Variants in UFM1 observed in about 807,000 individuals in gnomAD.
The protein encoded by UFM1 is ubiquitin fold modifier 1.
A neutral mutation model predicts 15.4 loss-of-function variants in UFM1; 9 were observed. That is an observed-to-expected ratio of 0.59 (90% CI 0.35 to 1.02). The LOEUF (loss-of-function observed/expected upper bound fraction) is 1.02. UFM1 is among the 50% of genes least tolerant of loss of function. UFM1 has a pLI of 0.02. For synonymous variants in UFM1, 27 were observed against 36.3 expected, an observed-to-expected ratio of 0.74 and a Z score of 0.92; for missense variants, 98 against 104.7, an observed-to-expected ratio of 0.94 and a Z score of 0.28.
chr13:38,360,743 C>T lies in UFM1; in HGVS notation c.223C>T (p.Arg75Trp), dbSNP rs368429371. 7.9e-5 allele frequency: 127 copies of T among 1,608,146 alleles called. No homozygotes were observed. Among genetic ancestry groups the T allele is most frequent in the Non-Finnish European group, 1.0e-4 (120 of 1,177,610 alleles). ...TTTTCTAAAACATGGTTCAGAACTG[C>T]GGATTATTCCTAGAGATCGTGTTGG... ...NVFLKHGSEL[R>W]IIPRDRVGSC is the part of the protein sequence containing the mutation. Residue 75 changes from arginine to tryptophan, a missense_variant, in exon 6 of 6, where the codon CGG (arginine) becomes TGG (tryptophan). Transcript: ENST00000239878.
At position 38,354,274 on chromosome 13, in the gene UFM1, T is replaced by C. The variant is rs201843668; in HGVS notation, c.95T>C (p.Val32Ala). Residue 32 changes from valine (V) to alanine (A), a missense_variant, in exon 3 of 6, where the codon GTC (valine) becomes GCC (alanine). By Grantham distance (64) the Val-to-Ala change is moderately conservative (BLOSUM62 0). Coordinates refer to ENST00000239878, the MANE Select transcript of UFM1 (RefSeq NM_016617.4). ...SVPESTPFTA[V>A]LKFAAEEFKV... The stretch of plus-strand genomic sequence containing the variant: ...CCTGAAAGTACACCTTTCACAGCAG[T>C]CTTAAAGTTTGCAGCAGAAGAAGTA... 6.2e-7 allele frequency: 1 copy of C among 1,611,186 alleles called. No homozygotes were observed. Among genetic ancestry groups the C allele is most frequent in the Non-Finnish European group, 8.5e-7 (1 of 1,178,018 alleles).
intron 3 of UFM1, among the ~76,000 whole-genome samples, chr13:38,356,535 A>G (rs974915477): frequency 8.6e-5 from 13 of 151,934 alleles, no homozygotes; most frequent in Admixed American, 2.0e-4. Context: ...ATACTATAAC[A>G]AATAATTGTT....
At chr13:38,359,416 C>T (rs746350655) in intron 5 of UFM1, 83 bp downstream of exon 5, 1 of 1,453,776 alleles carries the variant, frequency 6.9e-7, no homozygotes, top group Non-Finnish European at 9.6e-7. Context: ...TCTAATTACA[C>T]TTGACAGTAT....
intron 5 of UFM1, 30 bp downstream of exon 5, chr13:38,359,363 G>A (rs774190338): frequency 1.2e-6 from 2 of 1,609,430 alleles, no homozygotes; most frequent in Non-Finnish European, 1.7e-6. Context: ...TAGAGGAGTG[G>A]GTGGGGTTAT....
chr13:38,361,324 T>C lies in UFM1; in HGVS notation c.*546T>C, dbSNP rs373674076. On this transcript the variant is annotated 3_prime_UTR_variant, in exon 6 of 6. Transcript: ENST00000239878. ...TTTTTTAAGATTCAGACCTCAGTTA[T>C]ATAAATTTCAGTTTAATATCAACCA... The C allele has an allele frequency of 1.7e-4, 26 of 152,134 alleles. No homozygotes were observed. Among genetic ancestry groups the C allele is most frequent in the Admixed American group, 1.0e-3 (16 of 15,270 alleles). 9.4% of individuals were successfully genotyped at this position (152,134 alleles called of 1,614,324 possible).
At chr13:38,350,483 T>C (rs907836244) in intron 2 of UFM1, among the ~76,000 whole-genome samples, 2 of 152,208 alleles carry the variant, frequency 1.3e-5, no homozygotes, top group Non-Finnish European at 2.9e-5. Context: ...TAGTCAAGAC[T>C]TTGAAATTAC....
At chr13:38,350,158 T>G in intron 2 of UFM1, 103 bp downstream of exon 2, 2 of 1,613,970 alleles carry the variant, frequency 1.2e-6, no homozygotes, top group East Asian at 2.2e-5. Flanking sequence ...AGTCTTCATC[T>G]CTTCACTTCA....
chr13:38,359,231 C>A, intron 4 of UFM1, 70 bp from the exon 5 acceptor site: 2 of 1,503,628 alleles, frequency 1.3e-6, no homozygotes, highest in South Asian at 1.2e-5. Flanking sequence ...TGGCAAATCT[C>A]TTTCCTTGCT....
chr13:38,357,576 A>T (rs1391828137), intron 3 of UFM1, among the ~76,000 whole-genome samples: 1 of 151,584 alleles, frequency 6.6e-6, no homozygotes, highest in African/African-American at 2.4e-5. Flanking sequence ...CGTGGGAGTT[A>T]GGGGTTCCAA....
rs757275457 is a variant in UFM1 at position 38,362,318 on chromosome 13, G to A, written c.*1540G>A. The A allele has an allele frequency of 1.3e-5, 2 of 152,166 alleles. No homozygotes were observed. Among genetic ancestry groups the A allele is most frequent in the Non-Finnish European group, 2.9e-5 (2 of 68,026 alleles). 9.4% of individuals were successfully genotyped at this position (152,166 alleles called of 1,614,324 possible). A position where few individuals can be genotyped will look rare whatever the true frequency, so the allele number is the denominator to read the frequency against. On this transcript the variant is annotated 3_prime_UTR_variant, in exon 6 of 6. Coordinates refer to ENST00000239878, the MANE Select transcript of UFM1 (RefSeq NM_016617.4). ...AGATTCAACAGAATCAGCATTTGAA[G>A]TGTACCATTGGTAGTTGTTTATGAA...
intron 2 of UFM1, chr13:38,350,305 C>T (rs1015550046): frequency 5.6e-6 from 8 of 1,434,368 alleles, no homozygotes; most frequent in African/African-American, 4.2e-5. Flanking sequence ...TGATTAGTGA[C>T]CTCCCCTCGG....
At position 38,351,089 on chromosome 13, in the gene UFM1, G is replaced by C. The variant is rs556031021; in HGVS notation, c.59+1034G>C. The stretch of plus-strand genomic sequence containing the variant: ...TAATCACAGTGATTTTTTATCTGTA[G>C]CTATCCCCACTTCTATTCCTTACCT... On this transcript the variant is annotated intron_variant, in intron 2 of 5. Transcript: ENST00000239878. Among the ~76,000 whole-genome samples the C allele has an allele frequency of 1.3e-4, 20 of 152,204 alleles. No homozygotes were observed. In the South Asian group the frequency reaches 4.1e-3, roughly 32 times the overall value.
intron 2 of UFM1, among the ~76,000 whole-genome samples, chr13:38,350,680 C>T (rs1427648978): frequency 2.0e-5 from 3 of 152,132 alleles, no homozygotes; most frequent in Non-Finnish European, 4.4e-5. Context: ...TTATCCTTCG[C>T]AGTTGAGTGA....
At chr13:38,357,638 T>TA (rs1236390896) in intron 3 of UFM1, among the ~76,000 whole-genome samples, 4 of 151,976 alleles carry the variant, frequency 2.6e-5, no homozygotes, top group African/African-American at 9.6e-5. Context: ...CTCAAAAACT[T>TA]TACTAATAGC....
chr13:38,360,107 C>T (rs761646844), intron 5 of UFM1: 34 of 349,360 alleles, frequency 9.7e-5, no homozygotes, highest in South Asian at 7.7e-4. Context: ...TTTGTTACTT[C>T]AGTAGTTGTT....
chr13:38,359,069 A>G (rs967119287), intron 4 of UFM1, among the ~76,000 whole-genome samples: 1 of 152,108 alleles, frequency 6.6e-6, no homozygotes, highest in African/African-American at 2.4e-5. Context: ...TACCAGGATC[A>G]TTGCATTGAC....
At chr13:38,356,998 C>G (rs1348544334) in intron 3 of UFM1, among the ~76,000 whole-genome samples, 1 of 151,898 alleles carries the variant, frequency 6.6e-6, no homozygotes, top group South Asian at 2.1e-4. Flanking sequence ...AATTCCATAC[C>G]ACATTTCATT....
Position 38,360,834 on chromosome 13 carries a change from T to A in UFM1, c.*56T>A. ...TCAGAATAAATATTGGTATTTTTTG[T>A]TGTTGTAAAATTGAAATCAGGCATT... On this transcript the variant is annotated 3_prime_UTR_variant, in exon 6 of 6. Coordinates refer to ENST00000239878, the MANE Select transcript of UFM1 (RefSeq NM_016617.4). 1 of 1,467,494 alleles carries A rather than the reference T, an allele frequency of 6.8e-7. No individual in the cohort carries two copies. Among genetic ancestry groups the A allele is most frequent in the Non-Finnish European group, 9.5e-7 (1 of 1,056,066 alleles). The allele number at this position is 1,467,494 out of a possible 1,614,324, so 90.9% of individuals were successfully genotyped here.
Position 38,360,941 on chromosome 13 carries a change from A to G in UFM1, c.*163A>G, listed in dbSNP as rs1879350561. ...CCTTTTTGTTGTCCATACTCTTCCT[A>G]TGAAGAGGGAATGCGTATGAATTAA... On this transcript the variant is annotated 3_prime_UTR_variant, in exon 6 of 6. Transcript: ENST00000239878. 5 of 540,926 alleles carry G rather than the reference A, an allele frequency of 9.2e-6. No homozygotes were observed. The highest frequency in any genetic ancestry group is 3.0e-5 in the South Asian group (1 of 33,660). 33.5% of individuals were successfully genotyped at this position (540,926 alleles called of 1,614,324 possible).
Sources: gnomAD v4.1 joint callset for allele counts (sites outside exome capture counted in the v4.1 genomes callset) on GRCh38, gnomAD v4.1.1 for gene constraint, MANE v1.5 for transcripts, NCBI Gene and HGNC (gene_info 2026-07-23, HGNC 2026-07-21) for gene names.